Variants in MAGI2 observed in about 807,000 individuals in gnomAD.
MAGI2 encodes membrane associated guanylate kinase, WW and PDZ domain containing 2, also known as membrane-associated guanylate kinase, WW and PDZ domain-containing protein 2.
Under a neutral mutation model 133.3 loss-of-function variants are expected in MAGI2, and 35 were observed. The observed-to-expected ratio is 0.26, with a 90% confidence interval of 0.20 to 0.35. The LOEUF (loss-of-function observed/expected upper bound fraction) is 0.35. Ranked by LOEUF, MAGI2 falls within the 10% of genes least tolerant of loss-of-function variation. The pLI is 1.00. For missense variants in MAGI2, 1,636 were observed against 1,863.4 expected, an observed-to-expected ratio of 0.88 and a Z score of 2.25; for synonymous variants, 729 against 710.6, an observed-to-expected ratio of 1.03 and a Z score of -0.41.
At chr7:78,536,803 C>CA (rs917186106) in intron 3 of MAGI2, among the ~76,000 whole-genome samples, 1 of 146,390 alleles carries the variant, frequency 6.8e-6, no homozygotes, top group Non-Finnish European at 1.5e-5. Flanking sequence ...CTCTGTCGCC[C>CA]AGGCTGGAGT....
At chr7:79,112,578 A>G (rs564343098) in intron 1 of MAGI2, among the ~76,000 whole-genome samples, 6 of 152,332 alleles carry the variant, frequency 3.9e-5, no homozygotes, top group South Asian at 2.1e-4. Context: ...CTCCAAGACT[A>G]TTGTTATAAT....
chr7:78,140,555 T>C (rs62461233), intron 16 of MAGI2, among the ~76,000 whole-genome samples: 16,641 of 152,322 alleles, frequency 0.11, 1,193 homozygotes, highest in Non-Finnish European at 0.17. Context: ...TCCATTAATT[T>C]GTGAAGGTTA....
chr7:78,510,963 C>T (rs1347896320), intron 4 of MAGI2, among the ~76,000 whole-genome samples: 4 of 152,178 alleles, frequency 2.6e-5, no homozygotes, highest in Non-Finnish European at 4.4e-5. Context: ...GGTTTCTGCT[C>T]ATTTGTGGTA....
intron 9 of MAGI2, among the ~76,000 whole-genome samples, chr7:78,290,078 T>A (rs1329283728): frequency 2.0e-5 from 3 of 152,188 alleles, no homozygotes; most frequent in Non-Finnish European, 4.4e-5. Context: ...AGCATCATAA[T>A]GACAGGATCA....
chr7:78,019,702 C>G lies in MAGI2; in HGVS notation c.3981G>C (p.Arg1327Ser), dbSNP rs761041180. ...SASPQRAARP[R>S]LEEAPGGQGR... Reference sequence around the variant, plus strand: ...CCTGGCCGCCGGGCGCCTCCTCGAGCCTCGGCCGCGCGGCCCTCTGCGGAC... The same window carrying G: ...CCTGGCCGCCGGGCGCCTCCTCGAGGCTCGGCCGCGCGGCCCTCTGCGGAC... The change falls in exon 22 of 22, where the codon AGG becomes AGC. Residue 1327 changes from arginine to serine, a missense_variant. Physicochemically the swap from Arg to Ser is moderately radical, Grantham distance 110. Transcript: ENST00000354212. 25 of 1,571,706 alleles carry G rather than the reference C, an allele frequency of 1.6e-5. No homozygotes were observed. Among genetic ancestry groups the G allele is most frequent in the Non-Finnish European group, 2.1e-5 (25 of 1,166,498 alleles).
rs146614285 is a variant in MAGI2 at position 78,208,340 on chromosome 7, G to T, written c.2048-7147C>A. Among the ~76,000 whole-genome samples the T allele has an allele frequency of 2.4e-4, 37 of 152,130 alleles. No individual in the cohort carries two copies. In the East Asian group the frequency reaches 6.4e-3, roughly 26 times the overall value. ...AAGTAATCCCAATGACTATCAAAAG[G>T]ATAAATCTGCACATATTGTCTTCTG... On this transcript the variant is annotated intron_variant, in intron 10 of 21. Transcript: ENST00000354212.
At chr7:78,163,530 G>A (rs921547929) in intron 15 of MAGI2, among the ~76,000 whole-genome samples, 1 of 152,224 alleles carries the variant, frequency 6.6e-6, no homozygotes, top group Non-Finnish European at 1.5e-5. Flanking sequence ...CATTGGGAAT[G>A]TGGGAGTCAG....
At chr7:78,525,398 A>G (rs765297927) in intron 3 of MAGI2, among the ~76,000 whole-genome samples, 1 of 137,384 alleles carries the variant, frequency 7.3e-6, no homozygotes, top group African/African-American at 2.9e-5. Flanking sequence ...GCAGTCAGGC[A>G]GCTAACTCAT....
chr7:79,228,679 T>A (rs914800979), intron 1 of MAGI2, among the ~76,000 whole-genome samples: 5 of 152,120 alleles, frequency 3.3e-5, no homozygotes, highest in African/African-American at 1.2e-4. Context: ...GTTATGGTTA[T>A]TTATGGTTGT....
At position 78,526,780 on chromosome 7, in the gene MAGI2, C is replaced by T. The variant is rs754397450; in HGVS notation, c.539-5135G>A. ...ATCCCAGGACTTTGGGAGGCTGAGG[C>T]GGGCAGATCATGAGGTCAAGAGATA... On this transcript the variant is annotated intron_variant, in intron 3 of 21. Transcript: ENST00000354212. Among the ~76,000 whole-genome samples, 11 of 151,792 alleles carry T rather than the reference C, an allele frequency of 7.2e-5. No individual in the cohort carries two copies. The East Asian group carries it at 7.8e-4, about 11-fold the overall frequency.
intron 1 of MAGI2, among the ~76,000 whole-genome samples, chr7:79,316,179 T>C (rs1838709436): frequency 6.6e-6 from 1 of 152,186 alleles, no homozygotes; most frequent in African/African-American, 2.4e-5. Context: ...GGATGTCTCC[T>C]ACTTTGACTT....
intron 1 of MAGI2, among the ~76,000 whole-genome samples, chr7:79,068,173 G>A (rs1396565628): frequency 2.0e-5 from 3 of 152,188 alleles, no homozygotes; most frequent in African/African-American, 4.8e-5. Flanking sequence ...ACTTTCAGAA[G>A]GAATGGTACT....
intron 1 of MAGI2, among the ~76,000 whole-genome samples, chr7:79,398,405 T>C (rs562572682): frequency 1.6e-4 from 24 of 152,352 alleles, no homozygotes; most frequent in African/African-American, 5.5e-4. Flanking sequence ...AAGGCTGTCA[T>C]CTTCTCATAT....
chr7:78,608,396 G>T (rs954052879), intron 3 of MAGI2, among the ~76,000 whole-genome samples: 5 of 151,180 alleles, frequency 3.3e-5, no homozygotes, highest in African/African-American at 1.2e-4. Context: ...GATAATAATG[G>T]TTTCTACTTT....
intron 21 of MAGI2, among the ~76,000 whole-genome samples, chr7:78,036,747 G>T (rs1810271469): frequency 6.6e-6 from 1 of 152,224 alleles, no homozygotes; most frequent in African/African-American, 2.4e-5. Flanking sequence ...CTCCTGAATA[G>T]CTGGGACCAC....
At chr7:79,420,997 T>C (rs1846916310) in intron 1 of MAGI2, among the ~76,000 whole-genome samples, 1 of 151,964 alleles carries the variant, frequency 6.6e-6, no homozygotes, top group Non-Finnish European at 1.5e-5. Flanking sequence ...GTGAAGTATT[T>C]AATAAAGTCA....
chr7:78,733,128 T>C (rs966956952), intron 2 of MAGI2, among the ~76,000 whole-genome samples: 3 of 152,198 alleles, frequency 2.0e-5, no homozygotes, highest in Admixed American at 1.3e-4. Flanking sequence ...ACAGAGTACA[T>C]GTGAGGTTCA....
At chr7:78,639,376 C>T (rs1810027182) in intron 2 of MAGI2, among the ~76,000 whole-genome samples, 1 of 152,036 alleles carries the variant, frequency 6.6e-6, no homozygotes, top group African/African-American at 2.4e-5. Flanking sequence ...CAAGTACACA[C>T]ATACCAAATT....
At chr7:78,850,514 G>T (rs1017226257) in intron 2 of MAGI2, among the ~76,000 whole-genome samples, 1 of 152,096 alleles carries the variant, frequency 6.6e-6, no homozygotes. Context: ...GTTGTGCTGA[G>T]GAAGTGGCTA....
Sources: allele counts gnomAD v4.1 joint callset (sites outside exome capture counted in the v4.1 genomes callset), GRCh38; gene constraint gnomAD v4.1.1; transcripts MANE v1.5; gene names NCBI Gene and HGNC (gene_info 2026-07-23, HGNC 2026-07-21).